USP53: variants seen among roughly 807,000 people sequenced by gnomAD.
USP53 encodes ubiquitin carboxyl-terminal hydrolase 53.
In USP53, 71 loss-of-function variants were observed where a neutral mutation model predicts 94.9. The ratio of observed to expected loss-of-function variants is 0.75; its 90% CI spans 0.62 to 0.91. The LOEUF is 0.91. Ranked by LOEUF, USP53 falls within the 40% of genes least tolerant of loss-of-function variation. The pLI, the probability that USP53 is intolerant of heterozygous loss-of-function variation, is 0.00. For synonymous variants in USP53, 375 were observed against 422.7 expected, an observed-to-expected ratio of 0.89 and a Z score of 1.39; for missense variants, 1,173 against 1,281.0, an observed-to-expected ratio of 0.92 and a Z score of 1.29.
At chr4:119,241,702 G>A (rs1747567068) in intron 5 of USP53, among the ~76,000 whole-genome samples, 2 of 151,962 alleles carry the variant, frequency 1.3e-5, no homozygotes, top group Non-Finnish European at 2.9e-5. Flanking sequence ...GTTTCTTCAT[G>A]TTTCTTGTGT....
At chr4:119,278,040 T>A (rs2149445132) in intron 17 of USP53, among the ~76,000 whole-genome samples, 1 of 148,688 alleles carries the variant, frequency 6.7e-6, no homozygotes, top group South Asian at 2.2e-4. Context: ...CTGATGGGTC[T>A]TGACTCTTTA....
intron 3 of USP53, among the ~76,000 whole-genome samples, chr4:119,222,142 G>C (rs1160154891): frequency 6.6e-6 from 1 of 151,884 alleles, no homozygotes; most frequent in Non-Finnish European, 1.5e-5. Context: ...CCTTATTCTT[G>C]CAATAGAATT....
In USP53 at chr4:119,292,485, T is replaced by C; in HGVS notation, c.2496T>C (p.Asn832=). 2.5e-6 allele frequency: 4 copies of C among 1,613,982 alleles called. No individual in the cohort carries two copies. Among genetic ancestry groups the C allele is most frequent in the Non-Finnish European group, 3.4e-6 (4 of 1,179,916 alleles). ...PNECKFSEWL[N]IENSERTGLP... ...AATGCAAATTTTCTGAGTGGCTTAA[T>C]ATAGAAAATTCTGAGAGAACAGGTT... The change falls in exon 19 of 19, where the codon AAT becomes AAC. Residue 832 remains asparagine, a synonymous_variant. Transcript: ENST00000692078.
At chr4:119,275,787 G>A (rs1327143333) in intron 17 of USP53, among the ~76,000 whole-genome samples, 1 of 152,160 alleles carries the variant, frequency 6.6e-6, no homozygotes, top group Non-Finnish European at 1.5e-5. Context: ...GCAGCGGTTT[G>A]TAGTTCTTCT....
intron 5 of USP53, among the ~76,000 whole-genome samples, chr4:119,241,906 C>CTT (rs1747599947): frequency 6.6e-6 from 1 of 152,012 alleles, no homozygotes; most frequent in African/African-American, 2.4e-5. Context: ...CTTTCTCAGT[C>CTT]TTTTTTTCTC....
intron 3 of USP53, among the ~76,000 whole-genome samples, chr4:119,225,357 A>G (rs1320080228): frequency 2.0e-5 from 3 of 152,224 alleles, no homozygotes; most frequent in Non-Finnish European, 4.4e-5. Context: ...GAATTCCACC[A>G]GCCTTTTAAG....
intron 7 of USP53, among the ~76,000 whole-genome samples, chr4:119,253,013 G>A (rs559331158): frequency 6.6e-6 from 1 of 152,050 alleles, no homozygotes; most frequent in South Asian, 2.1e-4. Context: ...TTCTTGAGCA[G>A]GTTGTTCATT....
At chr4:119,251,641 T>A (rs1257746059) in intron 7 of USP53, among the ~76,000 whole-genome samples, 1 of 152,254 alleles carries the variant, frequency 6.6e-6, no homozygotes, top group Non-Finnish European at 1.5e-5. Context: ...ACAATTTGAC[T>A]TCGTCTCTTC....
chr4:119,245,522 C>G, intron 6 of USP53, 93 bp downstream of exon 6: 1 of 1,026,656 alleles, frequency 9.7e-7, no homozygotes, highest in Non-Finnish European at 1.5e-6. Flanking sequence ...AACTAAAGTT[C>G]ACTGTCAGGT....
rs201205533 is a variant in USP53 at position 119,245,365 on chromosome 4, G to A, written c.173G>A (p.Arg58Gln). 1.0e-3 allele frequency: 1,671 copies of A among 1,613,654 alleles called. 1 individual carries two copies. The highest frequency in any genetic ancestry group is 1.3e-3 in the Non-Finnish European group (1,527 of 1,179,868). The change falls in exon 6 of 19, where the codon CGA becomes CAA. Residue 58 changes from arginine (R) to glutamine (Q), a missense_variant. By Grantham distance (43) the Arg-to-Gln change is conservative. Transcript: ENST00000692078. The part of the protein sequence containing the change: ...QVLWQLDIFR[R>Q]SLRVLTGHVC... Reference sequence around the variant, plus strand: ...TTATGGCAATTGGATATATTCCGACGAAGCTTGCGGGTTTTGACTGGACAT... The same window carrying A: ...TTATGGCAATTGGATATATTCCGACAAAGCTTGCGGGTTTTGACTGGACAT...
At chr4:119,242,061 G>T (rs530113622) in intron 5 of USP53, among the ~76,000 whole-genome samples, 1 of 152,134 alleles carries the variant, frequency 6.6e-6, no homozygotes, top group South Asian at 2.1e-4. Context: ...GTTTTATCTT[G>T]GTCTTCTTAA....
chr4:119,215,057 G>C (rs932154011), intron 2 of USP53, among the ~76,000 whole-genome samples: 1 of 152,150 alleles, frequency 6.6e-6, no homozygotes, highest in Non-Finnish European at 1.5e-5. Flanking sequence ...AAAACAACCT[G>C]TAGAAAGTTG....
Position 119,271,641 on chromosome 4 carries a change from A to G in USP53, c.1781A>G (p.Asp594Gly). The stretch of plus-strand genomic sequence containing the variant: ...CCTATGAGAGAAACATTAAATGTTG[A>G]TAGTATTTTTAGTGAAAGTGAAAAA... ...WKPMRETLNV[D>G]SIFSESEKRQ... The change falls in exon 16 of 19, where the codon GAT (aspartate) becomes GGT (glycine). Residue 594 changes from aspartate to glycine, a missense_variant. Transcript: ENST00000692078. 1.2e-6 allele frequency: 2 copies of G among 1,613,936 alleles called. No homozygotes were observed. The highest frequency in any genetic ancestry group is 1.3e-5 in the African/African-American group (1 of 75,050).
chr4:119,233,769 T>C (rs905222392), intron 3 of USP53, among the ~76,000 whole-genome samples: 1 of 152,222 alleles, frequency 6.6e-6, no homozygotes, highest in African/African-American at 2.4e-5. Context: ...CTTTCTTTCA[T>C]TGTGCTCATA....
chr4:119,254,119 A>G (rs1362061836), intron 7 of USP53, among the ~76,000 whole-genome samples: 2 of 152,166 alleles, frequency 1.3e-5, no homozygotes, highest in Non-Finnish European at 2.9e-5. Context: ...CTTTGTGGGT[A>G]ACCTGACCTT....
At chr4:119,269,006 A>G (rs767406777) in intron 14 of USP53, among the ~76,000 whole-genome samples, 2 of 152,236 alleles carry the variant, frequency 1.3e-5, no homozygotes, top group Non-Finnish European at 1.5e-5. Flanking sequence ...CTTTAAACAT[A>G]TTAATGAAAT....
In USP53 at chr4:119,245,345, G is replaced by A. The variant is rs1748093286; in HGVS notation, c.153G>A (p.Trp51Ter). ...ATCTCCCTGTTTTTTAGGTTTTATG[G>A]CAATTGGATATATTCCGACGAAGCT... ...CFLNSAVQVLWQLDIFRRSLR... is the reference protein window; with the variant it reads ...CFLNSAVQVL The change falls in exon 6 of 19, where the codon TGG becomes TGA. Residue 51 changes from tryptophan to a stop codon, truncating the protein, a stop_gained. Coordinates refer to ENST00000692078, the MANE Select transcript of USP53 (RefSeq NM_001371395.1). LOFTEE classifies it high-confidence loss of function. 1.9e-6 allele frequency: 3 copies of A among 1,612,860 alleles called. No individual in the cohort carries two copies. The highest frequency in any genetic ancestry group is 1.7e-4 in the Middle Eastern group (1 of 6,006).
chr4:119,285,773 AT>A (rs1459212347), intron 17 of USP53, among the ~76,000 whole-genome samples: 1 of 151,644 alleles, frequency 6.6e-6, no homozygotes, highest in Non-Finnish European at 1.5e-5. Flanking sequence ...TTGTCAGCCG[AT>A]TTTTTTTCTA....
In USP53 at chr4:119,271,270, G is replaced by A. The variant is rs749149310; in HGVS notation, c.1436-26G>A. ...AAGGTGGCTCTGAGGAGTAATTCAT[G>A]TGTATCTTTAATTTTTTTTTTTAAG... On this transcript the variant is annotated intron_variant, in intron 15 of 18. Transcript: ENST00000692078. The A allele has an allele frequency of 3.9e-6, 6 of 1,526,124 alleles. No homozygotes were observed. In the Admixed American group the frequency reaches 9.2e-5, roughly 23 times the overall value. The allele number at this position is 1,526,124 out of a possible 1,614,324, so 94.5% of individuals were successfully genotyped here.
Sources: allele counts gnomAD v4.1 joint callset (sites outside exome capture counted in the v4.1 genomes callset), GRCh38; gene constraint gnomAD v4.1.1; transcripts MANE v1.5; gene names NCBI Gene and HGNC (gene_info 2026-07-23, HGNC 2026-07-21).